AFG2A: variants seen among roughly 807,000 people sequenced by gnomAD.
The protein encoded by AFG2A is ATPase family gene 2 protein homolog A.
the AFG2A span, among the ~76,000 whole-genome samples, chr4:123,152,425 C>A: frequency 6.6e-6 from 1 of 152,184 alleles, no homozygotes; most frequent in Non-Finnish European, 1.5e-5. Context: ...AATAAGAAAT[C>A]TAACAACTGG....
the AFG2A span, among the ~76,000 whole-genome samples, chr4:123,065,856 T>C: frequency 6.6e-6 from 1 of 152,160 alleles, no homozygotes; most frequent in East Asian, 1.9e-4. Context: ...TTTTGTTGTT[T>C]AGGAGATAGG....
chr4:123,125,722 A>G, the AFG2A span, among the ~76,000 whole-genome samples: 2 of 152,158 alleles, frequency 1.3e-5, no homozygotes, highest in African/African-American at 4.8e-5. Context: ...CTTTTATTTC[A>G]GTGGAATTTA....
At chr4:123,302,161 A>G in the AFG2A span, among the ~76,000 whole-genome samples, 4 of 152,174 alleles carry the variant, frequency 2.6e-5, no homozygotes, top group Non-Finnish European at 5.9e-5. Flanking sequence ...GAGCACCAGC[A>G]AGGAGGTTGA....
At chr4:122,970,766 G>C in the AFG2A span, among the ~76,000 whole-genome samples, 2 of 148,988 alleles carry the variant, frequency 1.3e-5, no homozygotes, top group African/African-American at 4.9e-5. Context: ...TGACAAAATC[G>C]CATAAAGACA....
the AFG2A span, among the ~76,000 whole-genome samples, chr4:123,255,715 CTATTTTTTTTTT>C: frequency 9.6e-6 from 1 of 103,908 alleles, no homozygotes; most frequent in African/African-American, 3.6e-5. Context: ...TACTGCTTTT[CTATTTTTTTTTT>C]TTTTTTTTTT....
chr4:123,215,647 C>T, the AFG2A span, among the ~76,000 whole-genome samples: 1 of 152,078 alleles, frequency 6.6e-6, no homozygotes, highest in Non-Finnish European at 1.5e-5. Context: ...TACCAGTTCA[C>T]TCTTCTTCCC....
At chr4:123,234,108 T>C in the AFG2A span, among the ~76,000 whole-genome samples, 14 of 152,144 alleles carry the variant, frequency 9.2e-5, no homozygotes, top group Non-Finnish European at 1.9e-4. Context: ...CATAATCCAC[T>C]GATAAAAGCA....
chr4:122,985,750 A>AG, the AFG2A span, among the ~76,000 whole-genome samples: 1 of 129,940 alleles, frequency 7.7e-6, no homozygotes, highest in Admixed American at 7.6e-5. Flanking sequence ...TATCTTTTGT[A>AG]TTTTTTTTTT....
chr4:123,170,949 G>A, the AFG2A span, among the ~76,000 whole-genome samples: 3 of 152,112 alleles, frequency 2.0e-5, no homozygotes, highest in Non-Finnish European at 4.4e-5. Flanking sequence ...GTGGTTGGTA[G>A]GATTAAATGA....
At chr4:123,199,132 A>C in the AFG2A span, among the ~76,000 whole-genome samples, 1 of 152,164 alleles carries the variant, frequency 6.6e-6, no homozygotes, top group Admixed American at 6.5e-5. Flanking sequence ...ACTCCTCCAC[A>C]TCAGAGCTAC....
At chr4:123,243,615 G>A in the AFG2A span, among the ~76,000 whole-genome samples, 1 of 152,102 alleles carries the variant, frequency 6.6e-6, no homozygotes, top group Non-Finnish European at 1.5e-5. Context: ...GGGGCTGGGG[G>A]AGGGATAGCA....
chr4:123,025,459 C>T, the AFG2A span, among the ~76,000 whole-genome samples: 1,742 of 152,196 alleles, frequency 0.011, 45 homozygotes, highest in African/African-American at 0.039. Flanking sequence ...ATTGAATCTC[C>T]GATTAACACA....
the AFG2A span, among the ~76,000 whole-genome samples, chr4:123,098,382 C>T: frequency 1.1e-4 from 17 of 151,994 alleles, no homozygotes; most frequent in Non-Finnish European, 2.5e-4. Context: ...GATGAGGACA[C>T]TTAAAACCAA....
the AFG2A span, among the ~76,000 whole-genome samples, chr4:123,114,754 CAG>C: frequency 2.6e-5 from 4 of 152,256 alleles, no homozygotes; most frequent in Admixed American, 2.6e-4. Context: ...CCTGGCTCTG[CAG>C]AGTGTGCAGC....
chr4:122,966,979 T>C, the AFG2A span, among the ~76,000 whole-genome samples: 1 of 152,244 alleles, frequency 6.6e-6, no homozygotes, highest in Non-Finnish European at 1.5e-5. Context: ...CTGTGGTCAA[T>C]GAATATATCT....
the AFG2A span, among the ~76,000 whole-genome samples, chr4:123,132,592 GTGTACATATATATATATATATA>G: frequency 1.2e-5 from 1 of 80,258 alleles, no homozygotes; most frequent in Non-Finnish European, 2.8e-5. Context: ...AACATGATGT[GTGTACATATATATATATATATA>G]TGTGCATATA....
chr4:122,979,817 C>T, the AFG2A span, among the ~76,000 whole-genome samples: 8 of 152,114 alleles, frequency 5.3e-5, no homozygotes, highest in Non-Finnish European at 1.0e-4. Flanking sequence ...ATCATCTGAG[C>T]CCTGGGGAAT....
chr4:123,041,990 A>G, the AFG2A span, among the ~76,000 whole-genome samples: 2 of 152,188 alleles, frequency 1.3e-5, no homozygotes, highest in African/African-American at 4.8e-5. Flanking sequence ...CCTTGGTGGA[A>G]GCTGGATTCT....
At chr4:123,224,464 G>A in the AFG2A span, among the ~76,000 whole-genome samples, 1 of 151,818 alleles carries the variant, frequency 6.6e-6, no homozygotes, top group South Asian at 2.1e-4. Flanking sequence ...TGCGGTGTTT[G>A]GTTTTTTGTC....
Sources: allele counts gnomAD v4.1 joint callset (sites outside exome capture counted in the v4.1 genomes callset), GRCh38; gene constraint gnomAD v4.1.1; transcripts MANE v1.5; gene names NCBI Gene and HGNC (gene_info 2026-07-23, HGNC 2026-07-21).